The following KCNIP3 variants were observed in gnomAD, a reference collection of about 807,000 sequenced individuals.
KCNIP3 encodes the protein calsenilin.
In KCNIP3, 28 loss-of-function variants were observed where a neutral mutation model predicts 35.0. That is an observed-to-expected ratio of 0.80 (90% CI 0.59 to 1.10). KCNIP3 has a LOEUF of 1.10. Ranked by LOEUF, KCNIP3 falls within the 50% of genes least tolerant of loss-of-function variation. KCNIP3 has a pLI of 0.00. For synonymous variants in KCNIP3, 134 were observed against 133.8 expected, an observed-to-expected ratio of 1.00 and a Z score of -0.01; for missense variants, 295 against 338.4, an observed-to-expected ratio of 0.87 and a Z score of 1.01.
rs1456097630 is a variant in KCNIP3 at position 95,330,156 on chromosome 2, G to A, written c.181+19636G>A. Among the ~76,000 whole-genome samples the A allele has an allele frequency of 3.3e-5, 5 of 152,344 alleles. 1 individual carries two copies. The highest frequency in any genetic ancestry group is 4.8e-5 in the African/African-American group (2 of 41,584). ...GAGGCAGGAGCAGGAAGGTCTGGCC[G>A]CGGCTCCCCAGGGTGCCCTGAAGTG... is the stretch of plus-strand genomic sequence containing the variant. On this transcript the variant is annotated intron_variant, in intron 2 of 8. Transcript: ENST00000295225.
intron 1 of KCNIP3, among the ~76,000 whole-genome samples, chr2:95,301,875 T>TGC (rs899409273): frequency 5.9e-5 from 9 of 151,962 alleles, no homozygotes; most frequent in East Asian, 1.9e-4. Context: ...TGTGTGTGTG[T>TGC]GCGCGCTCAT....
intron 2 of KCNIP3, among the ~76,000 whole-genome samples, chr2:95,316,802 C>T (rs1463768418): frequency 1.3e-5 from 2 of 152,204 alleles, no homozygotes; most frequent in African/African-American, 2.4e-5. Flanking sequence ...GCTGGTGAAA[C>T]TCAGGAAGAA....
chr2:95,364,837 C>T (rs1177575168), intron 2 of KCNIP3, among the ~76,000 whole-genome samples: 3 of 152,132 alleles, frequency 2.0e-5, no homozygotes, highest in Non-Finnish European at 4.4e-5. Context: ...AACGTCTTTT[C>T]TTTATAAATA....
intron 2 of KCNIP3, among the ~76,000 whole-genome samples, chr2:95,374,068 GA>G (rs895437799): frequency 6.6e-6 from 1 of 152,242 alleles, no homozygotes; most frequent in African/African-American, 2.4e-5. Context: ...CAGGGGCTGC[GA>G]TGGGGAGGCC....
In KCNIP3 at chr2:95,382,355, T is replaced by C; in HGVS notation, c.556-22T>C. The C allele has an allele frequency of 6.5e-7, 1 of 1,531,156 alleles. No homozygotes were observed. The highest frequency in any genetic ancestry group is 1.2e-5 in the South Asian group (1 of 80,218). The allele number at this position is 1,531,156 out of a possible 1,614,324, so 94.8% of individuals were successfully genotyped here. A position where few individuals can be genotyped will look rare whatever the true frequency, so the allele number is the denominator to read the frequency against. ...CAGCCACCCCGGCCTTGCAGCAGGCTCATGCCAGCCTCCCCCTCCAGGAGA... is the reference window on the plus strand; with the variant it reads ...CAGCCACCCCGGCCTTGCAGCAGGCCCATGCCAGCCTCCCCCTCCAGGAGA... On this transcript the variant is annotated intron_variant, in intron 6 of 8. Transcript: ENST00000295225. The surrounding 1 kb of genome is among the most constrained non-coding windows in gnomAD (Gnocchi z 4.5).
intron 1 of KCNIP3, among the ~76,000 whole-genome samples, chr2:95,304,584 A>T (rs1179523507): frequency 1.3e-5 from 2 of 152,128 alleles, no homozygotes; most frequent in African/African-American, 4.8e-5. Flanking sequence ...CCTGTTGAAT[A>T]ACAGGAGAAC....
chr2:95,347,058 G>C, intron 2 of KCNIP3: 1 of 1,611,976 alleles, frequency 6.2e-7, no homozygotes, highest in Non-Finnish European at 8.5e-7. Context: ...CCATGGCCGT[G>C]GTGGTGCTGC....
chr2:95,305,918 G>A (rs557772445), intron 1 of KCNIP3, among the ~76,000 whole-genome samples: 3 of 152,210 alleles, frequency 2.0e-5, no homozygotes. Context: ...GTTGCTTCCA[G>A]TATGGGGCCG....
intron 5 of KCNIP3, among the ~76,000 whole-genome samples, chr2:95,381,285 G>T (rs1255654262): frequency 1.3e-5 from 2 of 151,962 alleles, no homozygotes; most frequent in Non-Finnish European, 2.9e-5. Context: ...TCACACAGGT[G>T]CACACACAGG....
At chr2:95,331,702 G>T (rs1376703650) in intron 2 of KCNIP3, among the ~76,000 whole-genome samples, 1 of 152,222 alleles carries the variant, frequency 6.6e-6, no homozygotes, top group Non-Finnish European at 1.5e-5. Flanking sequence ...CCCACATCCT[G>T]TTCTGCCATC....
chr2:95,298,842 A>T (rs1219993305), intron 1 of KCNIP3: 4 of 152,346 alleles, frequency 2.6e-5, no homozygotes, highest in African/African-American at 9.6e-5. Flanking sequence ...CCCCAGGCTC[A>T]CACACTACGG....
At chr2:95,373,217 T>C (rs1049579990) in intron 2 of KCNIP3, among the ~76,000 whole-genome samples, 2 of 152,228 alleles carry the variant, frequency 1.3e-5, no homozygotes, top group African/African-American at 4.8e-5. Flanking sequence ...TCTGTAATTA[T>C]GCGAGGATGC....
At chr2:95,340,659 C>G (rs548842470) in intron 2 of KCNIP3, among the ~76,000 whole-genome samples, 1 of 152,326 alleles carries the variant, frequency 6.6e-6, no homozygotes, top group Admixed American at 6.5e-5. Context: ...AAGTCTTTCT[C>G]ACAGTAAGAG....
At chr2:95,324,555 A>T (rs1336166902) in intron 2 of KCNIP3, among the ~76,000 whole-genome samples, 1 of 150,588 alleles carries the variant, frequency 6.6e-6, no homozygotes, top group East Asian at 1.9e-4. Context: ...TAAATAAATA[A>T]AAATAACGTG....
intron 1 of KCNIP3, among the ~76,000 whole-genome samples, chr2:95,300,809 A>G (rs1678007220): frequency 6.6e-6 from 1 of 152,126 alleles, no homozygotes; most frequent in African/African-American, 2.4e-5. Flanking sequence ...CGTGTCCCAC[A>G]CTAGAGTCGG....
chr2:95,328,866 C>A (rs181965713), intron 2 of KCNIP3, among the ~76,000 whole-genome samples: 1 of 152,312 alleles, frequency 6.6e-6, no homozygotes, highest in East Asian at 1.9e-4. Context: ...CGAGCTCTGG[C>A]CTTTGCTGGG....
chr2:95,374,510 G>C, intron 3 of KCNIP3, 90 bp downstream of exon 3: 1 of 1,496,824 alleles, frequency 6.7e-7, no homozygotes, highest in South Asian at 1.3e-5. Context: ...AAATATCCCA[G>C]GGGCCTTTAA....
intron 4 of KCNIP3, 31 bp from the exon 5 acceptor site, chr2:95,375,107 C>A (rs373147451): frequency 5.0e-6 from 8 of 1,609,190 alleles, no homozygotes; most frequent in Middle Eastern, 1.7e-4. Flanking sequence ...GCAGCCCCGA[C>A]ACACCCCAGC....
At chr2:95,365,410 C>G (rs2104290326) in intron 2 of KCNIP3, among the ~76,000 whole-genome samples, 1 of 152,292 alleles carries the variant, frequency 6.6e-6, no homozygotes, top group African/African-American at 2.4e-5. Context: ...CATCCACCCG[C>G]CTCGGCCTCC....
Sources: allele counts gnomAD v4.1 joint callset (sites outside exome capture counted in the v4.1 genomes callset), GRCh38; gene constraint gnomAD v4.1.1; non-coding constraint Gnocchi (gnomAD v3.1); transcripts MANE v1.5; gene names NCBI Gene and HGNC (gene_info 2026-07-23, HGNC 2026-07-21).